The following TRPM3 variants were observed in gnomAD, a reference collection of about 807,000 sequenced individuals.
TRPM3 encodes transient receptor potential cation channel subfamily M member 3, also known as long transient receptor potential channel 3.
TRPM3 carries 77 observed loss-of-function variants against 181.2 expected under a neutral mutation model. The ratio of observed to expected loss-of-function variants is 0.42; its 90% CI spans 0.35 to 0.51. The LOEUF (loss-of-function observed/expected upper bound fraction) is 0.51, where lower values mean the gene tolerates loss of function less well. Among genes scored for constraint, TRPM3 ranks in the 20% least tolerant of loss-of-function variants. The pLI is 0.01. For synonymous variants in TRPM3, 745 were observed against 796.4 expected, an observed-to-expected ratio of 0.94 and a Z score of 1.09; for missense variants, 1,759 against 2,196.7, an observed-to-expected ratio of 0.80 and a Z score of 3.98.
At chr9:71,244,415 T>C (rs1365209718) in intron 1 of TRPM3, among the ~76,000 whole-genome samples, 1 of 152,160 alleles carries the variant, frequency 6.6e-6, no homozygotes, top group South Asian at 2.1e-4. Context: ...CTGATTCCAG[T>C]GCTCATACTC....
intron 21 of TRPM3, among the ~76,000 whole-genome samples, chr9:70,592,201 A>G (rs1006278358): frequency 2.6e-5 from 4 of 152,184 alleles, no homozygotes; most frequent in Admixed American, 2.6e-4. Context: ...TCTACCCAGT[A>G]TGGCCACAAG....
chr9:71,215,087 A>G (rs2079780172), intron 1 of TRPM3, among the ~76,000 whole-genome samples: 1 of 151,684 alleles, frequency 6.6e-6, no homozygotes. Context: ...TGTAAGGTCC[A>G]AGAGGGCAGG....
chr9:71,196,584 T>A (rs2078380911), intron 1 of TRPM3, among the ~76,000 whole-genome samples: 1 of 151,944 alleles, frequency 6.6e-6, no homozygotes, highest in South Asian at 2.1e-4. Context: ...TCTTCTTCTC[T>A]CCCCTCTCCT....
chr9:71,244,590 T>C (rs575355693), intron 1 of TRPM3, among the ~76,000 whole-genome samples: 70 of 152,308 alleles, frequency 4.6e-4, no homozygotes, highest in African/African-American at 1.7e-3. Context: ...ACCAGTACAT[T>C]GGACATTAGA....
chr9:70,938,801 C>A (rs979338091), intron 1 of TRPM3, among the ~76,000 whole-genome samples: 11 of 151,554 alleles, frequency 7.3e-5, no homozygotes, highest in African/African-American at 2.4e-4. Context: ...AAAATACACA[C>A]AAAAAAATTA....
intron 7 of TRPM3, among the ~76,000 whole-genome samples, chr9:70,762,308 T>G (rs776237046): frequency 6.6e-6 from 1 of 152,218 alleles, no homozygotes; most frequent in Non-Finnish European, 1.5e-5. Flanking sequence ...TCTGTTACAG[T>G]GAACAGTAAG....
rs571783620 is a variant in TRPM3 at position 71,017,777 on chromosome 9, T to C, written c.177+103401A>G. On this transcript the variant is annotated intron_variant, in intron 1 of 25. Transcript: ENST00000677713. ...CATAACACACCTTTCTCGAAACTGA[T>C]AGAATACGCAGGAAAAATGTCACAA... Among the ~76,000 whole-genome samples, 6 of 151,924 alleles carry C rather than the reference T, an allele frequency of 3.9e-5. No individual in the cohort carries two copies. The South Asian group carries it at 1.0e-3, about 26-fold the overall frequency.
intron 1 of TRPM3, among the ~76,000 whole-genome samples, chr9:71,284,350 C>G (rs2085097477): frequency 6.6e-6 from 1 of 152,128 alleles, no homozygotes. Flanking sequence ...GGTAGTTTGT[C>G]TCAATATTGG....
At position 70,965,368 on chromosome 9, in the gene TRPM3, C is replaced by G. The variant is rs183714324; in HGVS notation, c.178-100857G>C. On this transcript the variant is annotated intron_variant, in intron 1 of 25. Coordinates refer to ENST00000677713, the MANE Select transcript of TRPM3 (RefSeq NM_001366145.2). ...TTAGAACTGTTGCATTTTATCCCCCCCTTTTTGAACAAAAATGATTTTGAA... is the reference window on the plus strand; with the variant it reads ...TTAGAACTGTTGCATTTTATCCCCCGCTTTTTGAACAAAAATGATTTTGAA... Among the ~76,000 whole-genome samples the G allele has an allele frequency of 1.4e-4, 22 of 152,180 alleles. 1 individual carries two copies. The highest frequency in any genetic ancestry group is 4.6e-4 in the African/African-American group (19 of 41,550).
At chr9:71,121,046 G>C in intron 1 of TRPM3, 132 bp downstream of exon 1, 2 of 794,426 alleles carry the variant, frequency 2.5e-6, no homozygotes. Flanking sequence ...CCTCTCTCCA[G>C]CCACGGACCA....
chr9:70,635,628 A>AG (rs1487937197), intron 11 of TRPM3, among the ~76,000 whole-genome samples: 1 of 145,376 alleles, frequency 6.9e-6, no homozygotes, highest in Non-Finnish European at 1.5e-5. Context: ...GCTTTTGATA[A>AG]AATTTTTTTT....
chr9:70,925,673 T>TTA (rs747128035), intron 1 of TRPM3, among the ~76,000 whole-genome samples: 3 of 151,934 alleles, frequency 2.0e-5, no homozygotes, highest in Non-Finnish European at 4.4e-5. Context: ...TAGGCAATCT[T>TTA]TATATATATA....
chr9:71,236,845 G>C (rs978719109), intron 1 of TRPM3, among the ~76,000 whole-genome samples: 2 of 152,064 alleles, frequency 1.3e-5, no homozygotes, highest in Non-Finnish European at 2.9e-5. Flanking sequence ...TCAGGAGTTC[G>C]AGGCTAGCCT....
intron 22 of TRPM3, among the ~76,000 whole-genome samples, chr9:70,581,534 C>A (rs1458011128): frequency 6.6e-6 from 1 of 152,224 alleles, no homozygotes; most frequent in African/African-American, 2.4e-5. Context: ...AATGTGTGAG[C>A]CTTGCTGGGA....
intron 9 of TRPM3, among the ~76,000 whole-genome samples, chr9:70,647,441 C>T (rs554632184): frequency 4.0e-4 from 61 of 152,190 alleles, no homozygotes; most frequent in Middle Eastern, 6.8e-3. Context: ...AAACAAAAAA[C>T]ACATGATAAT....
intron 3 of TRPM3, 26 bp from the exon 4 acceptor site, chr9:70,846,617 G>C: frequency 6.3e-7 from 1 of 1,597,806 alleles, no homozygotes; most frequent in Non-Finnish European, 8.6e-7. Flanking sequence ...ACATCAATTA[G>C]GGAGACAAGG....
At chr9:71,309,980 T>A (rs529689150) in intron 1 of TRPM3, among the ~76,000 whole-genome samples, 1 of 152,058 alleles carries the variant, frequency 6.6e-6, no homozygotes, top group African/African-American at 2.4e-5. Context: ...GAAAGAACTA[T>A]TTTCATAAAT....
intron 1 of TRPM3, among the ~76,000 whole-genome samples, chr9:71,265,694 A>G (rs929924848): frequency 1.2e-4 from 19 of 152,238 alleles, no homozygotes; most frequent in African/African-American, 4.3e-4. Context: ...TAAGCCTATT[A>G]TAAGTGTTGA....
At chr9:71,389,639 A>G (rs993208739) in intron 1 of TRPM3, among the ~76,000 whole-genome samples, 4 of 152,140 alleles carry the variant, frequency 2.6e-5, no homozygotes, top group African/African-American at 9.7e-5. Context: ...TATAAGATGG[A>G]ATACTACTCA....
Sources: allele counts gnomAD v4.1 joint callset (sites outside exome capture counted in the v4.1 genomes callset), GRCh38; gene constraint gnomAD v4.1.1; transcripts MANE v1.5; gene names NCBI Gene and HGNC (gene_info 2026-07-23, HGNC 2026-07-21).